RRM2: variants seen among roughly 807,000 people sequenced by gnomAD.
The protein encoded by RRM2 is ribonucleotide reductase regulatory subunit M2.
In RRM2, 6 loss-of-function variants were observed where a neutral mutation model predicts 45.9. That is an observed-to-expected ratio of 0.13 (90% confidence interval 0.07 to 0.26). The LOEUF (loss-of-function observed/expected upper bound fraction) is 0.26, where lower values mean the gene tolerates loss of function less well. Ranked by LOEUF, RRM2 falls within the 10% of genes least tolerant of loss-of-function variation. The pLI, the probability that RRM2 is intolerant of heterozygous loss-of-function variation, is 1.00. For synonymous variants in RRM2, 177 were observed against 173.0 expected (o/e 1.02, Z -0.18); for missense variants, 343 against 489.5 (o/e 0.70, Z 2.82).
At chr2:10,183,157 C>A (rs1436986395) in intron 3 of RRM2, among the ~76,000 whole-genome samples, 1 of 152,094 alleles carries the variant, frequency 6.6e-6, no homozygotes, top group Non-Finnish European at 1.5e-5. Context: ...GGCCACAGAG[C>A]AAGACTCTGT....
rs139134331 is a variant in RRM2 at position 10,175,915 on chromosome 2, A to G, written n.482+33540A>G. Among the ~76,000 whole-genome samples the G allele has an allele frequency of 9.3e-3, 1,414 of 152,192 alleles. 24 individuals carry two copies. The highest frequency in any genetic ancestry group is 0.032 in the African/African-American group (1,336 of 41,516). On this transcript the variant is annotated intron_variant and non_coding_transcript_variant, in intron 3 of 3. Coordinates refer to the RRM2 transcript ENST00000381786. Reference sequence around the variant, plus strand: ...GCCATTGTGCCTGGCTGTGTTTCCTATGAATTTGACCATTCTAGGTACCTC... The same window carrying G: ...GCCATTGTGCCTGGCTGTGTTTCCTGTGAATTTGACCATTCTAGGTACCTC...
At chr2:10,131,612 G>A (rs1572491799), downstream of RRM2, among the ~76,000 whole-genome samples, 3 of 152,258 alleles carry the variant, frequency 2.0e-5, no homozygotes, top group South Asian at 4.2e-4. Flanking sequence ...GGTGGCACAC[G>A]CCTGTAATCC....
intron 5 of RRM2, among the ~76,000 whole-genome samples, chr2:10,125,315 G>A (rs1662755608): frequency 6.6e-6 from 1 of 152,170 alleles, no homozygotes; most frequent in African/African-American, 2.4e-5. Flanking sequence ...AGGCATGCAG[G>A]AGTTTGGCTG....
rs1663749204 is a variant in RRM2 at position 10,169,409 on chromosome 2, A to G, written n.482+27034A>G. Among the ~76,000 whole-genome samples the G allele has an allele frequency of 1.3e-5, 2 of 152,204 alleles. 1 individual carries two copies. The highest frequency in any genetic ancestry group is 4.1e-4 in the South Asian group (2 of 4,834). ...GAAAGACAAAGACTGTCTTTGTTCTAGAAAAGTGCTCATAGGCGCTGTGAA... is the reference window on the plus strand; with the variant it reads ...GAAAGACAAAGACTGTCTTTGTTCTGGAAAAGTGCTCATAGGCGCTGTGAA... On this transcript the variant is annotated intron_variant and non_coding_transcript_variant, in intron 3 of 3. Transcript: ENST00000381786. The surrounding 1 kb of genome is among the most constrained non-coding windows in gnomAD (Gnocchi z 5.1).
intron 3 of RRM2, among the ~76,000 whole-genome samples, chr2:10,158,184 T>C (rs1663474146): frequency 6.6e-6 from 1 of 152,204 alleles, no homozygotes; most frequent in South Asian, 2.1e-4. Context: ...TCCAGGTCAT[T>C]TAACTCTTCT....
chr2:10,124,618 C>T (rs1057078012), intron 4 of RRM2, 99 bp from the exon 5 acceptor site: 2 of 1,319,686 alleles, frequency 1.5e-6, no homozygotes, highest in Non-Finnish European at 2.1e-6. Context: ...TAGAAATAAA[C>T]CTTATAATGG....
chr2:10,155,959 A>C (rs1663413145), intron 3 of RRM2: 1 of 152,296 alleles, frequency 6.6e-6, no homozygotes, highest in African/African-American at 2.4e-5. Context: ...GTCATCTTCC[A>C]GAGCGGGATG....
At chr2:10,178,259 G>A (rs1403195835) in intron 3 of RRM2, among the ~76,000 whole-genome samples, 2 of 138,112 alleles carry the variant, frequency 1.4e-5, no homozygotes, top group South Asian at 2.3e-4. Flanking sequence ...GTCTCACTGT[G>A]TTGCCCAGAC....
Position 10,131,049 on chromosome 2 carries a change from A to G in RRM2, c.*1663A>G, listed in dbSNP as rs1232150210. 1 of 152,224 alleles carries G rather than the reference A, an allele frequency of 6.6e-6. No individual in the cohort carries two copies. The highest frequency in any genetic ancestry group is 1.5e-5 in the Non-Finnish European group (1 of 68,040). The allele number at this position is 152,224 out of a possible 1,614,324, so 9.4% of individuals were successfully genotyped here. ...GCCCCATTTGTTAATTGTATTCAGT[A>G]TTTGAACGTCGTCCTGTTTATTGTT... On this transcript the variant is annotated 3_prime_UTR_variant, in exon 10 of 10. Coordinates refer to ENST00000304567, the MANE Select transcript of RRM2 (RefSeq NM_001034.4).
At chr2:10,153,865 G>A (rs1464435275) in intron 3 of RRM2, among the ~76,000 whole-genome samples, 2 of 152,214 alleles carry the variant, frequency 1.3e-5, no homozygotes, top group Non-Finnish European at 2.9e-5. Context: ...TAGGACAGTA[G>A]AATAGCAGGG....
chr2:10,146,620 C>G (rs1663192337), intron 3 of RRM2, among the ~76,000 whole-genome samples: 1 of 150,058 alleles, frequency 6.7e-6, no homozygotes, highest in African/African-American at 2.5e-5. Flanking sequence ...ATGCTCCTCG[C>G]TCTGCCCCTG....
chr2:10,165,396 C>A (rs531086925), intron 3 of RRM2, among the ~76,000 whole-genome samples: 1 of 152,268 alleles, frequency 6.6e-6, no homozygotes, highest in East Asian at 1.9e-4. Flanking sequence ...TGGGGACCTC[C>A]CATTAGTGGG....
In RRM2 at chr2:10,162,683, G is replaced by A. The variant is rs77039750; in HGVS notation, n.482+20308G>A. Among the ~76,000 whole-genome samples the A allele has an allele frequency of 9.2e-5, 9 of 98,142 alleles. No individual in the cohort carries two copies. The South Asian group carries it at 2.1e-3, about 23-fold the overall frequency. 64.4% of individuals were successfully genotyped at this position (98,142 alleles called of 152,430 possible). A position where few individuals can be genotyped will look rare whatever the true frequency, so the allele number is the denominator to read the frequency against. On this transcript the variant is annotated intron_variant and non_coding_transcript_variant, in intron 3 of 3. Transcript: ENST00000381786. ...CATCAGCCACCTGCACCCCCCCGCCGCCCCCCACCCCCCTGCCGAGGCCTG... is the reference window on the plus strand; with the variant it reads ...CATCAGCCACCTGCACCCCCCCGCCACCCCCCACCCCCCTGCCGAGGCCTG...
chr2:10,210,211 G>A, intron 3 of RRM2: 1 of 720,020 alleles, frequency 1.4e-6, no homozygotes, highest in Non-Finnish European at 2.1e-6. Context: ...CCTTGGCCAT[G>A]TTCCGGCTCC....
chr2:10,197,387 A>C (rs1664438493), intron 3 of RRM2, among the ~76,000 whole-genome samples: 1 of 152,062 alleles, frequency 6.6e-6, no homozygotes, highest in Non-Finnish European at 1.5e-5. Context: ...AACCAGTCCT[A>C]GGGGGACAGG....
chr2:10,150,650 C>T (rs1297026468), intron 3 of RRM2, among the ~76,000 whole-genome samples: 1 of 152,042 alleles, frequency 6.6e-6, no homozygotes, highest in African/African-American at 2.4e-5. Context: ...CTGTCACCCT[C>T]CACAGCTTCC....
chr2:10,150,778 T>TG (rs1553324040), intron 3 of RRM2, among the ~76,000 whole-genome samples: 2 of 140,616 alleles, frequency 1.4e-5, no homozygotes, highest in African/African-American at 6.0e-5. Context: ...TGTGTTTTTT[T>TG]TTTTTTTTTT....
rs72544299 is a variant in RRM2 at position 10,126,849 on chromosome 2, T to A, written c.570-26T>A. ...GAGGTCTTTTACTGTAATGCTTCAATTGCTGATACCGTATGTGCCTACTAG... is the reference window on the plus strand; with the variant it reads ...GAGGTCTTTTACTGTAATGCTTCAAATGCTGATACCGTATGTGCCTACTAG... On this transcript the variant is annotated intron_variant, in intron 5 of 9. Transcript: ENST00000304567. 2.1e-3 allele frequency: 3,271 copies of A among 1,577,506 alleles called. 9 individuals carry two copies. Among genetic ancestry groups the A allele is most frequent in the Admixed American group, 5.4e-3 (307 of 57,086 alleles).
intron 3 of RRM2, among the ~76,000 whole-genome samples, chr2:10,143,358 T>A (rs541599927): frequency 6.6e-6 from 1 of 152,346 alleles, no homozygotes; most frequent in South Asian, 2.1e-4. Context: ...AGAGCCCTCA[T>A]GGCCCCAAGT....
Sources: gnomAD v4.1 joint callset for allele counts (sites outside exome capture counted in the v4.1 genomes callset) on GRCh38, gnomAD v4.1.1 for gene constraint, Gnocchi (gnomAD v3.1) non-coding constraint, MANE v1.5 for transcripts, NCBI Gene and HGNC (gene_info 2026-07-23, HGNC 2026-07-21) for gene names.